SHC2: variants seen among roughly 807,000 people sequenced by gnomAD.
The protein encoded by SHC2 is SHC adaptor protein 2.
In SHC2, 62 loss-of-function variants were observed where a neutral mutation model predicts 60.6. The observed-to-expected ratio is 1.02, with a 90% confidence interval of 0.83 to 1.26. The LOEUF (loss-of-function observed/expected upper bound fraction) is 1.26. Among genes scored for constraint, SHC2 ranks in the 50% most tolerant of loss-of-function variants. The pLI is 0.00. For missense variants in SHC2, 873 were observed against 822.2 expected (o/e 1.06, Z -0.76); for synonymous variants, 375 against 372.4 (o/e 1.01, Z -0.08).
chr19:454,616 A>G (rs1975288425), intron 1 of SHC2, among the ~76,000 whole-genome samples: 1 of 152,162 alleles, frequency 6.6e-6, no homozygotes, highest in African/African-American at 2.4e-5. Context: ...GTGAAACCCC[A>G]TCTCTACTGA....
chr19:440,747 G>A lies in SHC2; in HGVS notation c.539+115C>T, dbSNP rs1974843176. On this transcript the variant is annotated intron_variant, in intron 2 of 12. Coordinates refer to ENST00000264554, the MANE Select transcript of SHC2 (RefSeq NM_012435.3). The surrounding 1 kb of genome is among the most constrained non-coding windows in gnomAD (Gnocchi z 7.0). ...GAGGGAGGTGGGGGGCACCGAGGCT[G>A]CGTCCTGGGACCCCAGCGCGGCTGT... 3.5e-6 allele frequency: 3 copies of A among 867,816 alleles called. No homozygotes were observed. The Admixed American group carries it at 5.6e-5, about 16-fold the overall frequency. The allele number at this position is 867,816 out of a possible 1,614,324, so 53.8% of individuals were successfully genotyped here.
At chr19:437,202 G>C (rs576454736) in intron 4 of SHC2, among the ~76,000 whole-genome samples, 2 of 152,118 alleles carry the variant, frequency 1.3e-5, no homozygotes, top group Non-Finnish European at 2.9e-5. Flanking sequence ...TCATCTACTT[G>C]CTCGTTTGCG....
At position 460,563 on chromosome 19, in the gene SHC2, C is replaced by A; in HGVS notation, c.434G>T (p.Arg145Met). 1 of 1,417,338 alleles carries A rather than the reference C, an allele frequency of 7.1e-7. No individual in the cohort carries two copies. Among genetic ancestry groups the A allele is most frequent in the South Asian group, 1.4e-5 (1 of 70,048 alleles). 87.8% of individuals were successfully genotyped at this position (1,417,338 alleles called of 1,614,324 possible). A position where few individuals can be genotyped will look rare whatever the true frequency, so the allele number is the denominator to read the frequency against. The change falls in exon 1 of 13, where the codon AGG becomes ATG. Residue 145 changes from arginine to methionine, a missense_variant. Arg to Met is a moderately conservative substitution (Grantham distance 91). Coordinates refer to ENST00000264554, the MANE Select transcript of SHC2 (RefSeq NM_012435.3). The stretch of plus-strand genomic sequence containing the variant: ...GTAGGAGACCCCGGGCCCCAGGACC[C>A]TGGCGTCGGGGTGTAGCCAGCCGTG... ...PAHGWLHPDA[R>M]VLGPGVSYVV...
Position 439,044 on chromosome 19 carries a change from G to A in SHC2, c.540-14C>T. ...TTGATGGCTTCCCTGGGGTTGGGAG[G>A]AGGGGGCTTAGAGAGTGTGGTGGGG... On this transcript the variant is annotated splice_polypyrimidine_tract_variant and intron_variant, in intron 2 of 12. Coordinates refer to ENST00000264554, the MANE Select transcript of SHC2 (RefSeq NM_012435.3). 6.3e-7 allele frequency: 1 copy of A among 1,575,044 alleles called. No homozygotes were observed. Among genetic ancestry groups the A allele is most frequent in the Non-Finnish European group, 8.6e-7 (1 of 1,160,484 alleles).
chr19:454,608 G>A (rs1316436373), intron 1 of SHC2, among the ~76,000 whole-genome samples: 1 of 152,228 alleles, frequency 6.6e-6, no homozygotes, highest in African/African-American at 2.4e-5. Flanking sequence ...CCAACAGGGT[G>A]AAACCCCATC....
chr19:455,310 G>T (rs1329876015), intron 1 of SHC2, among the ~76,000 whole-genome samples: 1 of 152,080 alleles, frequency 6.6e-6, no homozygotes, highest in Non-Finnish European at 1.5e-5. Context: ...ATGACCCAGG[G>T]AAGGGCTCTC....
intron 7 of SHC2, 106 bp downstream of exon 7, chr19:436,059 A>G: frequency 1.6e-6 from 2 of 1,258,800 alleles, no homozygotes; most frequent in Non-Finnish European, 2.2e-6. Flanking sequence ...GGAGGGAGGG[A>G]CAAGGGCAGG....
rs201541850 is a variant in SHC2 at position 425,224 on chromosome 19, C to T, written c.1182G>A (p.Pro394=). 13 of 1,336,230 alleles carry T rather than the reference C, an allele frequency of 9.7e-6. No individual in the cohort carries two copies. In the Admixed American group the frequency reaches 1.8e-4, roughly 19 times the overall value. 82.8% of individuals were successfully genotyped at this position (1,336,230 alleles called of 1,614,324 possible). The change falls in exon 10 of 13, where the codon CCG becomes CCA. Residue 394 remains proline (P), a synonymous_variant. Coordinates refer to ENST00000264554, the MANE Select transcript of SHC2 (RefSeq NM_012435.3). The surrounding 1 kb of genome is among the most constrained non-coding windows in gnomAD (Gnocchi z 4.1). Reference sequence around the variant, plus strand: ...CGTCCGCCTGCACGTAGCCGTCCCCCGGTGGAGCTGGGGAGTGTAAAGAGG... The same window carrying T: ...CGTCCGCCTGCACGTAGCCGTCCCCTGGTGGAGCTGGGGAGTGTAAAGAGG... ...WDVGSTGTAP[P]GDGYVQADAR...
intron 11 of SHC2, among the ~76,000 whole-genome samples, chr19:420,356 A>T (rs910798112): frequency 6.6e-6 from 1 of 152,184 alleles, no homozygotes; most frequent in Non-Finnish European, 1.5e-5. Context: ...TCACGCAGAG[A>T]CCAGGCTCAC....
chr19:431,351 CGTGA>C (rs1974587001), intron 8 of SHC2, among the ~76,000 whole-genome samples: 1 of 136,498 alleles, frequency 7.3e-6, no homozygotes, highest in Non-Finnish European at 1.5e-5. Flanking sequence ...TGAGTGAGAT[CGTGA>C]GTGAGAGATA....
In SHC2 at chr19:439,045, AG is replaced by A; in HGVS notation, c.540-16del. The A allele has an allele frequency of 2.4e-6, 3 of 1,266,114 alleles. No individual in the cohort carries two copies. Among genetic ancestry groups the A allele is most frequent in the Non-Finnish European group, 2.0e-6 (2 of 988,318 alleles). The allele number at this position is 1,266,114 out of a possible 1,614,324, so 78.4% of individuals were successfully genotyped here. On this transcript the variant is annotated splice_polypyrimidine_tract_variant and intron_variant, in intron 2 of 12. Transcript: ENST00000264554. ...TGATGGCTTCCCTGGGGTTGGGAGGAGGGGGCTTAGAGAGTGTGGTGGGGGT... is the reference window on the plus strand; with the variant it reads ...TGATGGCTTCCCTGGGGTTGGGAGGAGGGGCTTAGAGAGTGTGGTGGGGGT...
At chr19:434,328 GTC>G (rs1974654299) in intron 8 of SHC2, among the ~76,000 whole-genome samples, 2 of 148,520 alleles carry the variant, frequency 1.3e-5, no homozygotes, top group African/African-American at 5.2e-5. Flanking sequence ...GAGATCATGA[GTC>G]TGTGAGTGAG....
Position 422,481 on chromosome 19 carries a change from G to A in SHC2, c.1310-25C>T, listed in dbSNP as rs2287959. 43,591 of 1,479,560 alleles carry A rather than the reference G, an allele frequency of 0.029. 2,920 individuals are homozygous for A. Among genetic ancestry groups the A allele is most frequent in the East Asian group, 0.24 (9,891 of 40,906 alleles). 91.7% of individuals were successfully genotyped at this position (1,479,560 alleles called of 1,614,324 possible). On this transcript the variant is annotated intron_variant, in intron 10 of 12. Coordinates refer to ENST00000264554, the MANE Select transcript of SHC2 (RefSeq NM_012435.3). This position sits in a 1 kb window ranked among gnomAD's most constrained non-coding sequence, Gnocchi z 5.0. ...CCTGCAGGCCAGGGACAGGAGTGCT[G>A]GGCAGGCAGGGGGCAAGCAGCTACT...
intron 1 of SHC2, among the ~76,000 whole-genome samples, chr19:442,919 G>A (rs2145732145): frequency 1.9e-5 from 2 of 105,262 alleles, no homozygotes; most frequent in Non-Finnish European, 1.9e-5. Flanking sequence ...GGACGGGTGG[G>A]TGGATGGGTG....
At chr19:459,296 C>A (rs1490342614) in intron 1 of SHC2, among the ~76,000 whole-genome samples, 2 of 101,318 alleles carry the variant, frequency 2.0e-5, no homozygotes, top group African/African-American at 3.6e-5. Context: ...CCCACTGAAG[C>A]CAGCGTAGGG....
At chr19:452,944 T>C (rs1455589657) in intron 1 of SHC2, among the ~76,000 whole-genome samples, 1 of 152,202 alleles carries the variant, frequency 6.6e-6, no homozygotes, top group Non-Finnish European at 1.5e-5. Flanking sequence ...AGTGAAGGGT[T>C]TGCCATTTCC....
chr19:457,544 C>T (rs2145760396), intron 1 of SHC2, among the ~76,000 whole-genome samples: 1 of 152,200 alleles, frequency 6.6e-6, no homozygotes, highest in South Asian at 2.1e-4. Flanking sequence ...TGTTTGTCCT[C>T]TTCTGATTGA....
chr19:427,385 G>A (rs960384375), intron 9 of SHC2, among the ~76,000 whole-genome samples: 1 of 152,224 alleles, frequency 6.6e-6, no homozygotes, highest in African/African-American at 2.4e-5. Flanking sequence ...GGGAACGAGG[G>A]GCGCCTGCCG....
intron 9 of SHC2, among the ~76,000 whole-genome samples, chr19:427,637 CAG>C (rs1462048525): frequency 3.9e-5 from 3 of 76,478 alleles, no homozygotes; most frequent in Admixed American, 3.2e-4. Context: ...GGTAAGGGGA[CAG>C]GGGACGGCGC....
Sources: gnomAD v4.1 joint callset for allele counts (sites outside exome capture counted in the v4.1 genomes callset) on GRCh38, gnomAD v4.1.1 for gene constraint, Gnocchi (gnomAD v3.1) non-coding constraint, MANE v1.5 for transcripts, NCBI Gene and HGNC (gene_info 2026-07-23, HGNC 2026-07-21) for gene names.